Variants in MECOM observed in about 807,000 individuals in gnomAD.
MECOM encodes the protein MDS1 and EVI1 complex locus.
In MECOM, 13 loss-of-function variants were observed where a neutral mutation model predicts 116.3. The observed-to-expected ratio is 0.11, with a 90% CI of 0.07 to 0.18. The LOEUF is 0.18. Ranked by LOEUF, MECOM falls within the 10% of genes least tolerant of loss-of-function variation. MECOM has a pLI of 1.00. For missense variants in MECOM, 1,299 were observed against 1,509.0 expected (o/e 0.86, Z 2.31); for synonymous variants, 528 against 535.2 (o/e 0.99, Z 0.19).
chr3:169,382,305 G>A (rs1732528349), intron 1 of MECOM, among the ~76,000 whole-genome samples: 1 of 152,112 alleles, frequency 6.6e-6, no homozygotes, highest in Non-Finnish European at 1.5e-5. Flanking sequence ...GAAACGCTTT[G>A]TATGGGGCAC....
chr3:169,517,309 T>TCAATAGTTG (rs1317795919), intron 1 of MECOM, among the ~76,000 whole-genome samples: 1 of 152,202 alleles, frequency 6.6e-6, no homozygotes, highest in Non-Finnish European at 1.5e-5. Flanking sequence ...GTAGAAATTC[T>TCAATAGTTG]CAATAGTTGG....
intron 2 of MECOM, among the ~76,000 whole-genome samples, chr3:169,366,174 C>T (rs547909261): frequency 6.6e-6 from 1 of 152,016 alleles, no homozygotes; most frequent in South Asian, 2.1e-4. Flanking sequence ...CTATACTGAA[C>T]TGGTTGGGTC....
chr3:169,141,130 G>GGGTAATCT (rs1737980323), intron 3 of MECOM, among the ~76,000 whole-genome samples: 1 of 151,838 alleles, frequency 6.6e-6, no homozygotes, highest in African/African-American at 2.4e-5. Flanking sequence ...GTTTTGTCCT[G>GGGTAATCT]GGTAATCTTT....
intron 1 of MECOM, among the ~76,000 whole-genome samples, chr3:169,568,136 T>G (rs1231826685): frequency 6.6e-6 from 1 of 152,170 alleles, no homozygotes; most frequent in Non-Finnish European, 1.5e-5. Flanking sequence ...CTCCCTTCTC[T>G]AGCCGACAGA....
chr3:169,412,966 C>A (rs1470880066), intron 1 of MECOM, among the ~76,000 whole-genome samples: 1 of 152,176 alleles, frequency 6.6e-6, no homozygotes, highest in African/African-American at 2.4e-5. Flanking sequence ...AAGATAACAC[C>A]AGTGACTTTA....
chr3:169,369,342 CTTTTTT>C (rs10661629), intron 2 of MECOM, among the ~76,000 whole-genome samples: 1 of 86,962 alleles, frequency 1.1e-5, no homozygotes, highest in Non-Finnish European at 2.0e-5. Context: ...TGATTGCAGC[CTTTTTT>C]TTTTTTTTTT....
intron 1 of MECOM, among the ~76,000 whole-genome samples, chr3:169,436,272 C>G (rs1045041791): frequency 2.4e-4 from 25 of 106,130 alleles, no homozygotes; most frequent in African/African-American, 7.6e-4. Context: ...TTTTTTGAGA[C>G]AGAGTTTCGC....
intron 2 of MECOM, among the ~76,000 whole-genome samples, chr3:169,197,648 T>G (rs1748612130): frequency 6.6e-6 from 1 of 152,022 alleles, no homozygotes; most frequent in Non-Finnish European, 1.5e-5. Flanking sequence ...TATTAAAAAG[T>G]GCTCCTGTGA....
At chr3:169,344,237 G>A (rs1725001577) in intron 2 of MECOM, among the ~76,000 whole-genome samples, 1 of 152,144 alleles carries the variant, frequency 6.6e-6, no homozygotes, top group Non-Finnish European at 1.5e-5. Context: ...ACATATATGT[G>A]TTTTTTGTGT....
At chr3:169,092,857 C>T in intron 14 of MECOM, 101 bp downstream of exon 14, 1 of 1,377,822 alleles carries the variant, frequency 7.3e-7, no homozygotes, top group Non-Finnish European at 1.0e-6. Context: ...TCTTTGGTGA[C>T]TGAAGTAATA....
At chr3:169,256,579 C>T (rs969385330) in intron 2 of MECOM, among the ~76,000 whole-genome samples, 7 of 152,096 alleles carry the variant, frequency 4.6e-5, no homozygotes, top group Non-Finnish European at 7.4e-5. Flanking sequence ...TAAAAATGAG[C>T]CTTCAATAAC....
chr3:169,453,605 G>A (rs1403985595), intron 1 of MECOM, among the ~76,000 whole-genome samples: 2 of 152,164 alleles, frequency 1.3e-5, no homozygotes, highest in Non-Finnish European at 2.9e-5. Flanking sequence ...CATATATGGA[G>A]TGTCTGGCCT....
At chr3:169,098,759 T>C (rs1722561146) in intron 12 of MECOM, among the ~76,000 whole-genome samples, 1 of 152,044 alleles carries the variant, frequency 6.6e-6, no homozygotes, top group Non-Finnish European at 1.5e-5. Flanking sequence ...AACTCCTAGG[T>C]TTGGGTGGTC....
chr3:169,628,540 T>A (rs1453536157), intron 1 of MECOM, among the ~76,000 whole-genome samples: 4 of 152,206 alleles, frequency 2.6e-5, no homozygotes, highest in African/African-American at 9.6e-5. Flanking sequence ...GAATTAGAAG[T>A]GACCCTATAT....
intron 2 of MECOM, among the ~76,000 whole-genome samples, chr3:169,166,147 C>T (rs986049314): frequency 2.0e-5 from 3 of 152,100 alleles, no homozygotes; most frequent in Admixed American, 1.3e-4. Context: ...CTTGCAGCAG[C>T]GGTTGCTGAC....
At chr3:169,584,351 G>T (rs1288221114) in intron 1 of MECOM, among the ~76,000 whole-genome samples, 2 of 151,512 alleles carry the variant, frequency 1.3e-5, no homozygotes, top group African/African-American at 4.8e-5. Flanking sequence ...GGATCACGAG[G>T]TCTGGAGATA....
chr3:169,521,174 G>T (rs1757311369), intron 1 of MECOM, among the ~76,000 whole-genome samples: 1 of 152,190 alleles, frequency 6.6e-6, no homozygotes. Flanking sequence ...AAAGACCTAG[G>T]CTGGTTGGGT....
At chr3:169,487,721 C>A (rs1752572630) in intron 1 of MECOM, among the ~76,000 whole-genome samples, 2 of 118,378 alleles carry the variant, frequency 1.7e-5, no homozygotes, top group Admixed American at 1.2e-4. Flanking sequence ...GAAAGAAGGA[C>A]AAATTTATTT....
At chr3:169,427,171 T>C (rs1204023595) in intron 1 of MECOM, among the ~76,000 whole-genome samples, 1 of 146,724 alleles carries the variant, frequency 6.8e-6, no homozygotes, top group Non-Finnish European at 1.5e-5. Flanking sequence ...TGTAAACTTT[T>C]TAGTATTTCC....
Sources: allele counts gnomAD v4.1 joint callset (sites outside exome capture counted in the v4.1 genomes callset), GRCh38; gene constraint gnomAD v4.1.1; transcripts MANE v1.5; gene names NCBI Gene and HGNC (gene_info 2026-07-23, HGNC 2026-07-21).